THRB: variants seen among roughly 807,000 people sequenced by gnomAD.
THRB encodes the protein thyroid hormone receptor beta.
Under a neutral mutation model 47.8 loss-of-function variants are expected in THRB, and 12 were observed. That is an observed-to-expected ratio of 0.25 (90% confidence interval 0.16 to 0.41). The LOEUF (loss-of-function observed/expected upper bound fraction) is 0.41, where lower values mean the gene tolerates loss of function less well. Ranked by LOEUF, THRB falls within the 10% of genes least tolerant of loss-of-function variation. THRB has a pLI of 1.00. For synonymous variants in THRB, 218 were observed against 212.2 expected (o/e 1.03, Z -0.24); for missense variants, 348 against 589.2 (o/e 0.59, Z 4.24).
chr3:24,378,273 ATTGT>A (rs2065441000), intron 1 of THRB, among the ~76,000 whole-genome samples: 1 of 152,202 alleles, frequency 6.6e-6, no homozygotes, highest in Non-Finnish European at 1.5e-5. Context: ...ATAAGAAAAG[ATTGT>A]TTGTGCAGGT....
chr3:24,474,340 TG>T (rs918562217), intron 1 of THRB, among the ~76,000 whole-genome samples: 11 of 152,236 alleles, frequency 7.2e-5, no homozygotes, highest in African/African-American at 2.7e-4. Context: ...AGTCTTCCTT[TG>T]GTATGGGCAC....
chr3:24,210,757 A>T (rs1273382867), intron 4 of THRB, among the ~76,000 whole-genome samples: 1 of 152,198 alleles, frequency 6.6e-6, no homozygotes, highest in Non-Finnish European at 1.5e-5. Context: ...TGTCTGGTTG[A>T]CAGTAAGTAA....
At chr3:24,259,438 T>C (rs1430477735) in intron 3 of THRB, among the ~76,000 whole-genome samples, 1 of 152,132 alleles carries the variant, frequency 6.6e-6, no homozygotes, top group East Asian at 1.9e-4. Context: ...GAAATGAACA[T>C]GTTCTTAACA....
intron 8 of THRB, 101 bp downstream of exon 8, chr3:24,143,400 T>C: frequency 1.7e-6 from 2 of 1,159,626 alleles, no homozygotes; most frequent in Admixed American, 3.5e-5. Context: ...ATCAGTAAAA[T>C]GAGGCAATAA....
At chr3:24,220,569 G>A (rs1420196274) in intron 4 of THRB, among the ~76,000 whole-genome samples, 1 of 152,080 alleles carries the variant, frequency 6.6e-6, no homozygotes, top group Non-Finnish European at 1.5e-5. Flanking sequence ...TCAAAGAGAG[G>A]GATCAAATTT....
At chr3:24,328,056 T>G (rs557363767) in intron 2 of THRB, among the ~76,000 whole-genome samples, 33 of 152,330 alleles carry the variant, frequency 2.2e-4, no homozygotes, top group African/African-American at 7.9e-4. Context: ...TGTCCAACCT[T>G]ACAAATAATC....
chr3:24,367,123 G>T (rs2064532776), intron 1 of THRB, among the ~76,000 whole-genome samples: 1 of 152,160 alleles, frequency 6.6e-6, no homozygotes, highest in South Asian at 2.1e-4. Flanking sequence ...TATACAAATG[G>T]TCAGAGTTAC....
chr3:24,136,275 C>T (rs550557003), intron 8 of THRB, among the ~76,000 whole-genome samples: 1 of 152,142 alleles, frequency 6.6e-6, no homozygotes, highest in South Asian at 2.1e-4. Context: ...TAATGGACTA[C>T]AAAATTGCTA....
chr3:24,130,651 G>C (rs2033709481), intron 9 of THRB, among the ~76,000 whole-genome samples: 1 of 152,148 alleles, frequency 6.6e-6, no homozygotes, highest in Non-Finnish European at 1.5e-5. Context: ...AGCCAGAACT[G>C]GCAAGAGTGA....
intron 4 of THRB, among the ~76,000 whole-genome samples, chr3:24,217,945 C>A (rs1388576804): frequency 6.6e-6 from 1 of 152,174 alleles, no homozygotes; most frequent in Admixed American, 6.5e-5. Flanking sequence ...TGCTTCAAAT[C>A]TTATGTTTAG....
intron 1 of THRB, among the ~76,000 whole-genome samples, chr3:24,441,958 G>T (rs922000106): frequency 6.6e-6 from 1 of 152,112 alleles, no homozygotes; most frequent in African/African-American, 2.4e-5. Context: ...ATCCACCCAG[G>T]TAGGATAAGC....
At chr3:24,187,420 A>G (rs2042742679) in intron 5 of THRB, among the ~76,000 whole-genome samples, 1 of 152,206 alleles carries the variant, frequency 6.6e-6, no homozygotes. Flanking sequence ...GCTTCAAGGA[A>G]GTCAATTTGT....
intron 1 of THRB, among the ~76,000 whole-genome samples, chr3:24,361,452 T>C (rs552057852): frequency 6.6e-6 from 1 of 152,186 alleles, no homozygotes; most frequent in African/African-American, 2.4e-5. Flanking sequence ...TGCCTAAATA[T>C]GCCAACAGAA....
At chr3:24,309,179 A>G (rs2057568321) in intron 2 of THRB, among the ~76,000 whole-genome samples, 1 of 152,154 alleles carries the variant, frequency 6.6e-6, no homozygotes, top group Non-Finnish European at 1.5e-5. Context: ...CTTTTTGTAT[A>G]TGTATTATGA....
intron 1 of THRB, among the ~76,000 whole-genome samples, chr3:24,417,360 C>T (rs2068845832): frequency 6.6e-6 from 1 of 151,874 alleles, no homozygotes; most frequent in Admixed American, 6.6e-5. Context: ...CCAGAACTCC[C>T]ACAAACAGTA....
At chr3:24,431,261 T>TACACACACACACAC (rs199810848) in intron 1 of THRB, among the ~76,000 whole-genome samples, 1 of 135,708 alleles carries the variant, frequency 7.4e-6, no homozygotes, top group African/African-American at 2.7e-5. Context: ...TCTCTCTCTC[T>TACACACACACACAC]ACACACACAC....
chr3:24,241,339 G>A (rs548030944), intron 3 of THRB, among the ~76,000 whole-genome samples: 3 of 152,180 alleles, frequency 2.0e-5, no homozygotes, highest in African/African-American at 4.8e-5. Context: ...AGCCACTCAG[G>A]TGATTCCACT....
rs115360190 is a variant in THRB at position 24,143,546 on chromosome 3, C to T, written c.693G>A (p.Ala231=). ...TCCAGTGGCTGCCTTGGGCGTTGGTCGCCACATGGGCTTCGGTGACAGTTT... is the reference window on the plus strand; with the variant it reads ...TCCAGTGGCTGCCTTGGGCGTTGGTTGCCACATGGGCTTCGGTGACAGTTT... ...LIKTVTEAHV[A]TNAQGSHWKQ... Residue 231 remains alanine (A), a synonymous_variant, in exon 8 of 11, where the codon GCG becomes GCA. Transcript: ENST00000646209. 41 of 1,614,188 alleles carry T rather than the reference C, an allele frequency of 2.5e-5. No individual in the cohort carries two copies. Among genetic ancestry groups the T allele is most frequent in the Non-Finnish European group, 3.2e-5 (38 of 1,180,038 alleles).
At chr3:24,385,115 G>A (rs2065992603) in intron 1 of THRB, among the ~76,000 whole-genome samples, 1 of 151,998 alleles carries the variant, frequency 6.6e-6, no homozygotes, top group African/African-American at 2.4e-5. Context: ...CATTTCTAAG[G>A]TCTAATAAAA....
Sources: allele counts gnomAD v4.1 joint callset (sites outside exome capture counted in the v4.1 genomes callset), GRCh38; gene constraint gnomAD v4.1.1; transcripts MANE v1.5; gene names NCBI Gene and HGNC (gene_info 2026-07-23, HGNC 2026-07-21).